The following EPN3 variants were observed in gnomAD, a reference collection of about 807,000 sequenced individuals.
EPN3 encodes the protein epsin 3.
In EPN3, 56 loss-of-function variants were observed where a neutral mutation model predicts 55.5. The observed-to-expected ratio is 1.01, with a 90% confidence interval of 0.81 to 1.26. The LOEUF (loss-of-function observed/expected upper bound fraction) is 1.26. Among genes scored for constraint, EPN3 ranks in the 50% most tolerant of loss-of-function variants. The probability of loss-of-function intolerance (pLI) is 0.00; values close to 1 mark genes in which losing one functional copy is unlikely to be tolerated. For synonymous variants in EPN3, 449 were observed against 375.2 expected (o/e 1.20, Z -2.27); for missense variants, 927 against 853.4 (o/e 1.09, Z -1.07).
In EPN3 at chr17:50,537,961, C is replaced by T. The variant is rs922317322; in HGVS notation, c.563-118C>T. The T allele has an allele frequency of 7.1e-6, 6 of 848,718 alleles. No homozygotes were observed. The African/African-American group carries it at 1.0e-4, about 14-fold the overall frequency. 52.6% of individuals were successfully genotyped at this position (848,718 alleles called of 1,614,324 possible). A position where few individuals can be genotyped will look rare whatever the true frequency, so the allele number is the denominator to read the frequency against. Reference sequence around the variant, plus strand: ...GGCACACTGCTTGGCCCACGGGGGCCTCAACGGCCGTTGTTCCCCTCCTCT... The same window carrying T: ...GGCACACTGCTTGGCCCACGGGGGCTTCAACGGCCGTTGTTCCCCTCCTCT... On this transcript the variant is annotated intron_variant, in intron 2 of 9. Coordinates refer to ENST00000268933, the MANE Select transcript of EPN3 (RefSeq NM_017957.3).
Position 50,542,365 on chromosome 17 carries a change from C to G in EPN3, c.*208C>G. 2.0e-6 allele frequency: 1 copy of G among 511,806 alleles called. No homozygotes were observed. Among genetic ancestry groups the G allele is most frequent in the Non-Finnish European group, 3.2e-6 (1 of 309,112 alleles). The allele number at this position is 511,806 out of a possible 1,614,324, so 31.7% of individuals were successfully genotyped here. A position where few individuals can be genotyped will look rare whatever the true frequency, so the allele number is the denominator to read the frequency against. On this transcript the variant is annotated 3_prime_UTR_variant, in exon 10 of 10. Coordinates refer to ENST00000268933, the MANE Select transcript of EPN3 (RefSeq NM_017957.3). ...CATAATAAAGACTGGAACCCTCGTT[C>G]TCAGCTCTCACCAAGTGGACTTTTT...
intron 8 of EPN3, 25 bp from the exon 9 acceptor site, chr17:50,541,439 A>G: frequency 1.2e-6 from 2 of 1,611,546 alleles, no homozygotes; most frequent in Non-Finnish European, 1.7e-6. Context: ...TTCCCCACCA[A>G]TTAGCTCTAG....
chr17:50,540,793 G>A lies in EPN3; in HGVS notation c.980G>A (p.Gly327Asp). 6.2e-7 allele frequency: 1 copy of A among 1,606,670 alleles called. No homozygotes were observed. The highest frequency in any genetic ancestry group is 1.7e-4 in the Middle Eastern group (1 of 6,032). The change falls in exon 7 of 10, where the codon GGT (glycine) becomes GAT (aspartate). Residue 327 changes from glycine to aspartate, a missense_variant and splice_region_variant. Transcript: ENST00000268933. ...HCSADPWDIP[G>D]FRPNTEASGS... ...CATGTCTATGCTGTTCCCATTTCAGGTTTTAGGCCGAACACAGAGGCCAGT... is the reference window on the plus strand; with the variant it reads ...CATGTCTATGCTGTTCCCATTTCAGATTTTAGGCCGAACACAGAGGCCAGT...
chr17:50,541,817 T>G, intron 9 of EPN3, 27 bp from the exon 10 acceptor site: 1 of 1,610,616 alleles, frequency 6.2e-7, no homozygotes, highest in South Asian at 1.1e-5. Flanking sequence ...GAACCCCGGG[T>G]CACTCAAAGC....
chr17:50,539,742 G>A (rs552223227), intron 5 of EPN3, among the ~76,000 whole-genome samples: 4 of 152,306 alleles, frequency 2.6e-5, no homozygotes, highest in South Asian at 2.1e-4. Context: ...TATTTTCTCC[G>A]CATGGGGAGT....
intron 3 of EPN3, chr17:50,538,611 C>CA (rs2034798372): frequency 4.6e-6 from 2 of 436,966 alleles, no homozygotes; most frequent in African/African-American, 4.0e-5. Context: ...CCAGGAAGAC[C>CA]AGGCAGGAAG....
At position 50,541,673 on chromosome 17, in the gene EPN3, A is replaced by C. The variant is rs779905916; in HGVS notation, c.1564A>C (p.Thr522Pro). 6.2e-7 allele frequency: 1 copy of C among 1,613,986 alleles called. No homozygotes were observed. The highest frequency in any genetic ancestry group is 1.1e-5 in the South Asian group (1 of 91,084). The change falls in exon 9 of 10, where the codon ACC becomes CCC. Residue 522 changes from threonine to proline, a missense_variant. Thr to Pro is a conservative substitution (Grantham distance 38, BLOSUM62 -1). Transcript: ENST00000268933. ...GGTCAAGGCACCCCAGGTTGCAAAG[A>C]CCCGGAACCCCTTCCTGACAGGTAA... ...SLVKAPQVAK[T>P]RNPFLTGLSA...
At position 50,536,521 on chromosome 17, in the gene EPN3, C is replaced by A. The variant is rs200689978; in HGVS notation, c.-36C>A. 36 of 1,611,790 alleles carry A rather than the reference C, an allele frequency of 2.2e-5. No homozygotes were observed. In the East Asian group the frequency reaches 6.3e-4, roughly 28 times the overall value. On this transcript the variant is annotated 5_prime_UTR_variant, in exon 2 of 10. Coordinates refer to ENST00000268933, the MANE Select transcript of EPN3 (RefSeq NM_017957.3). ...GTGGCCCTCAGCCCTCCACCTCCGG[C>A]GGGGGCGAGGGCCACCCACCTCCAA...
In EPN3 at chr17:50,542,136, C is replaced by G. The variant is rs1317879930; in HGVS notation, c.1878C>G (p.Thr626=). The G allele has an allele frequency of 1.3e-6, 2 of 1,513,952 alleles. No individual in the cohort carries two copies. Among genetic ancestry groups the G allele is most frequent in the Non-Finnish European group, 1.8e-6 (2 of 1,139,782 alleles). 93.8% of individuals were successfully genotyped at this position (1,513,952 alleles called of 1,614,324 possible). A position where few individuals can be genotyped will look rare whatever the true frequency, so the allele number is the denominator to read the frequency against. The change falls in exon 10 of 10, where the codon ACC becomes ACG. Residue 626 remains threonine, a synonymous_variant. Coordinates refer to ENST00000268933, the MANE Select transcript of EPN3 (RefSeq NM_017957.3). ...GGCCGCGGCCCCCGCCCCCGCAGAC[C>G]GGCACCAACCCCTTCCTCTGAGCCC... ...SAGPRPPPPQ[T]GTNPFL
In EPN3 at chr17:50,536,986, C is replaced by T. The variant is rs371019202; in HGVS notation, c.430C>T (p.Arg144Ter). 29 of 1,613,568 alleles carry T rather than the reference C, an allele frequency of 1.8e-5. No individual in the cohort carries two copies. The highest frequency in any genetic ancestry group is 4.0e-5 in the African/African-American group (3 of 74,934). Residue 144 changes from arginine (R) to a stop codon, truncating the protein, a stop_gained, in exon 2 of 10, where the codon CGA (arginine) becomes TGA (stop). Transcript: ENST00000268933. LOFTEE classifies it high-confidence loss of function. ...LKDEERLRQE[R>*]THALKTKERM... ...GGATGAGGAGCGGCTGCGGCAGGAG[C>T]GAACCCACGCCCTCAAGACCAAGGA...
At chr17:50,541,726 G>A (rs1487190557) in intron 9 of EPN3, 32 bp downstream of exon 9, 2 of 1,611,008 alleles carry the variant, frequency 1.2e-6, no homozygotes, top group Admixed American at 1.7e-5. Flanking sequence ...CAACCCAGGG[G>A]CTCCTGCTTT....
intron 2 of EPN3, 77 bp downstream of exon 2, chr17:50,537,195 G>T: frequency 1.4e-6 from 2 of 1,381,580 alleles, no homozygotes; most frequent in South Asian, 2.8e-5. Flanking sequence ...CCAAGCCATG[G>T]TTCATAATAC....
chr17:50,535,934 A>G (rs2034753717), intron 1 of EPN3: 1 of 152,566 alleles, frequency 6.6e-6, no homozygotes, highest in African/African-American at 2.4e-5. Flanking sequence ...GCGTTCCCCC[A>G]TGAGGCCATG....
intron 1 of EPN3, among the ~76,000 whole-genome samples, chr17:50,535,169 T>G (rs548020765): frequency 2.0e-5 from 3 of 152,192 alleles, no homozygotes; most frequent in African/African-American, 7.2e-5. Flanking sequence ...CCACTATGTG[T>G]CCAGCGTTTT....
At position 50,538,974 on chromosome 17, in the gene EPN3, C is replaced by T. The variant is rs758402896; in HGVS notation, c.762+10C>T. ...GCAGGAGCACGAGAAGGTAGTGGGC[C>T]GAGCCCGCTGGGCTGCCGGTGCTGC... On this transcript the variant is annotated intron_variant, in intron 4 of 9. Coordinates refer to ENST00000268933, the MANE Select transcript of EPN3 (RefSeq NM_017957.3). 13 of 1,592,302 alleles carry T rather than the reference C, an allele frequency of 8.2e-6. No individual in the cohort carries two copies. The highest frequency in any genetic ancestry group is 1.7e-5 in the Admixed American group (1 of 57,550).
intron 7 of EPN3, 41 bp from the exon 8 acceptor site, chr17:50,541,188 C>A (rs199754565): frequency 1.9e-6 from 3 of 1,611,830 alleles, no homozygotes; most frequent in Non-Finnish European, 2.5e-6. Flanking sequence ...AACACCTGCC[C>A]TTTTTGTCAA....
At chr17:50,536,035 G>A (rs1455408530) in intron 1 of EPN3, 2 of 161,464 alleles carry the variant, frequency 1.2e-5, no homozygotes, top group Non-Finnish European at 2.7e-5. Flanking sequence ...ACAGGGTCTC[G>A]CTCTGTTGCC....
chr17:50,542,515 C>T lies in EPN3; in HGVS notation c.*358C>T, dbSNP rs1175780654. 8.4e-6 allele frequency: 2 copies of T among 238,380 alleles called. No individual in the cohort carries two copies. Among genetic ancestry groups the T allele is most frequent in the Non-Finnish European group, 1.6e-5 (2 of 125,232 alleles). 14.8% of individuals were successfully genotyped at this position (238,380 alleles called of 1,614,324 possible). A position where few individuals can be genotyped will look rare whatever the true frequency, so the allele number is the denominator to read the frequency against. On this transcript the variant is annotated 3_prime_UTR_variant, in exon 10 of 10. Coordinates refer to ENST00000268933, the MANE Select transcript of EPN3 (RefSeq NM_017957.3). Reference sequence around the variant, plus strand: ...TACAGCTCTTCTCAACCCTCACCTCCATCCCCCGTCACCCAGGCACCTTCG... The same window carrying T: ...TACAGCTCTTCTCAACCCTCACCTCTATCCCCCGTCACCCAGGCACCTTCG...
Position 50,537,019 on chromosome 17 carries a change from G to A in EPN3, c.463G>A (p.Ala155Thr). The change falls in exon 2 of 10, where the codon GCA (alanine) becomes ACA (threonine). Residue 155 changes from alanine to threonine, a missense_variant. Transcript: ENST00000268933. ...CGCCCTCAAGACCAAGGAGCGCATG[G>A]CACTGGAGGGCATCGGCATTGGCAG... ...THALKTKERM[A>T]LEGIGIGSGQ... The A allele has an allele frequency of 6.2e-7, 1 of 1,613,244 alleles. No individual in the cohort carries two copies.
Sources: gnomAD v4.1 joint callset for allele counts (sites outside exome capture counted in the v4.1 genomes callset) on GRCh38, gnomAD v4.1.1 for gene constraint, MANE v1.5 for transcripts, NCBI Gene and HGNC (gene_info 2026-07-23, HGNC 2026-07-21) for gene names.